Variants in GRIK4 observed in about 807,000 individuals in gnomAD.
GRIK4 encodes the protein glutamate ionotropic receptor kainate type subunit 4.
A neutral mutation model predicts 104.9 loss-of-function variants in GRIK4; 40 were observed. The ratio of observed to expected loss-of-function variants is 0.38; its 90% CI spans 0.30 to 0.50. The LOEUF (loss-of-function observed/expected upper bound fraction) is 0.50, where lower values mean the gene tolerates loss of function less well. Among genes scored for constraint, GRIK4 ranks in the 20% least tolerant of loss-of-function variants. The pLI is 0.93. For synonymous variants in GRIK4, 485 were observed against 524.9 expected (o/e 0.92, Z 1.04); for missense variants, 1,047 against 1,308.1 (o/e 0.80, Z 3.08).
chr11:120,778,658 A>G (rs1952088981), intron 3 of GRIK4, among the ~76,000 whole-genome samples: 1 of 152,220 alleles, frequency 6.6e-6, no homozygotes. Context: ...CCAGTTCTGG[A>G]TGCTGAGAAA....
intron 11 of GRIK4, among the ~76,000 whole-genome samples, chr11:120,884,617 C>G (rs1955066492): frequency 6.6e-6 from 1 of 152,084 alleles, no homozygotes; most frequent in Non-Finnish European, 1.5e-5. Flanking sequence ...GGCAGCCTCA[C>G]TGGTTCCACT....
At chr11:120,616,302 T>C (rs1949113275) in intron 1 of GRIK4, among the ~76,000 whole-genome samples, 1 of 152,086 alleles carries the variant, frequency 6.6e-6, no homozygotes. Flanking sequence ...CCACTCAGCT[T>C]GTGGGTCAAT....
At position 120,875,011 on chromosome 11, in the gene GRIK4, C is replaced by T; in HGVS notation, c.1060-128C>T. 4.5e-6 allele frequency: 3 copies of T among 662,984 alleles called. No individual in the cohort carries two copies. The East Asian group carries it at 8.0e-5, about 18-fold the overall frequency. 41.1% of individuals were successfully genotyped at this position (662,984 alleles called of 1,614,324 possible). A position where few individuals can be genotyped will look rare whatever the true frequency, so the allele number is the denominator to read the frequency against. On this transcript the variant is annotated intron_variant, in intron 10 of 20. Transcript: ENST00000527524. The stretch of plus-strand genomic sequence containing the variant: ...TCAAGATGCCTTGGCTGTGTGTGGG[C>T]AGGAGAAGGATCTTAACTGCTTTGC...
intron 3 of GRIK4, among the ~76,000 whole-genome samples, chr11:120,794,628 C>T (rs1449204328): frequency 6.6e-6 from 1 of 152,116 alleles, no homozygotes; most frequent in Non-Finnish European, 1.5e-5. Context: ...GTGCCATCCG[C>T]ACACCAAGGA....
At chr11:120,836,674 G>A (rs10892628) in intron 7 of GRIK4, 117 bp from the exon 8 acceptor site, 114,731 of 739,938 alleles carry the variant, frequency 0.16, 10,040 homozygotes, top group Middle Eastern at 0.24. Flanking sequence ...GTTCTGTTCT[G>A]CCTGGTGCCA....
At chr11:120,699,325 CTGG>C (rs1339579037) in intron 3 of GRIK4, among the ~76,000 whole-genome samples, 1 of 152,214 alleles carries the variant, frequency 6.6e-6, no homozygotes, top group Non-Finnish European at 1.5e-5. Flanking sequence ...GCATGGAGGG[CTGG>C]TGGTCACAGC....
chr11:120,808,605 T>C (rs1952764771), intron 4 of GRIK4, among the ~76,000 whole-genome samples: 1 of 152,208 alleles, frequency 6.6e-6, no homozygotes. Flanking sequence ...CTTTCTTCCT[T>C]GGCTCAAGAG....
intron 16 of GRIK4, among the ~76,000 whole-genome samples, chr11:120,957,625 G>GTGTGTGTGTGTGTA (rs375508071): frequency 0.048 from 6,917 of 144,410 alleles, 228 homozygotes; most frequent in Non-Finnish European, 0.065. Flanking sequence ...GTGTGTGTGT[G>GTGTGTGTGTGTGTA]TAGCCTAGAG....
At chr11:120,756,888 T>C (rs1235262414) in intron 3 of GRIK4, among the ~76,000 whole-genome samples, 1 of 152,220 alleles carries the variant, frequency 6.6e-6, no homozygotes, top group Non-Finnish European at 1.5e-5. Context: ...CACTGTGCTG[T>C]GCACCTGCAG....
At chr11:120,827,620 A>G (rs1043833849) in intron 6 of GRIK4, among the ~76,000 whole-genome samples, 1 of 152,236 alleles carries the variant, frequency 6.6e-6, no homozygotes, top group Non-Finnish European at 1.5e-5. Flanking sequence ...GAAAATGCCA[A>G]ACTGCCCTGA....
rs1200798876 is a variant in GRIK4, at chr11:120,987,379, A to C, written c.*1119A>C. ...CAAATGAGTGGCTGCCTATGAAGCC[A>C]GACCCCCAAGACTATCATGGATTGG... On this transcript the variant is annotated 3_prime_UTR_variant, in exon 21 of 21. Coordinates refer to ENST00000527524, the MANE Select transcript of GRIK4 (RefSeq NM_014619.5). 6.6e-6 allele frequency: 1 copy of C among 152,306 alleles called. No individual in the cohort carries two copies. The highest frequency in any genetic ancestry group is 1.9e-4 in the East Asian group (1 of 5,194). 9.4% of individuals were successfully genotyped at this position (152,306 alleles called of 1,614,324 possible).
intron 14 of GRIK4, among the ~76,000 whole-genome samples, chr11:120,943,152 C>G (rs10892650): frequency 1.0e-5 from 1 of 95,462 alleles, no homozygotes; most frequent in Non-Finnish European, 2.0e-5. Flanking sequence ...ACACACACAC[C>G]CCCCTGACTG....
intron 1 of GRIK4, among the ~76,000 whole-genome samples, chr11:120,526,238 G>C (rs1344824863): frequency 6.6e-6 from 1 of 152,104 alleles, no homozygotes; most frequent in East Asian, 1.9e-4. Flanking sequence ...GTCTCACTCT[G>C]TCGCCCAGGC....
At chr11:120,983,166 T>G (rs1944680621) in intron 20 of GRIK4, among the ~76,000 whole-genome samples, 1 of 152,232 alleles carries the variant, frequency 6.6e-6, no homozygotes, top group South Asian at 2.1e-4. Flanking sequence ...TTTCCTCAGC[T>G]GCTCCAGGAT....
At chr11:120,692,892 C>A (rs1322999336) in intron 3 of GRIK4, among the ~76,000 whole-genome samples, 1 of 149,970 alleles carries the variant, frequency 6.7e-6, no homozygotes, top group South Asian at 2.1e-4. Flanking sequence ...CCACCATGCC[C>A]AGCTAATTTT....
chr11:120,801,419 G>A (rs1289123926), intron 3 of GRIK4, among the ~76,000 whole-genome samples: 2 of 152,112 alleles, frequency 1.3e-5, no homozygotes, highest in Admixed American at 6.5e-5. Context: ...TAGAGACAGG[G>A]TTTCACCATA....
At chr11:120,971,279 G>C (rs1033625126) in intron 19 of GRIK4, among the ~76,000 whole-genome samples, 1 of 152,192 alleles carries the variant, frequency 6.6e-6, no homozygotes, top group Non-Finnish European at 1.5e-5. Context: ...CTCAAGGACA[G>C]GGACTGTGTC....
intron 8 of GRIK4, among the ~76,000 whole-genome samples, chr11:120,860,553 G>A (rs541108027): frequency 6.6e-6 from 1 of 152,294 alleles, no homozygotes; most frequent in South Asian, 2.1e-4. Flanking sequence ...TAAAGTAGCA[G>A]TCCCTCACCC....
At chr11:120,710,755 T>G (rs974367563) in intron 3 of GRIK4, among the ~76,000 whole-genome samples, 1 of 152,244 alleles carries the variant, frequency 6.6e-6, no homozygotes, top group African/African-American at 2.4e-5. Flanking sequence ...CTGAGCTGCT[T>G]TGCTACCTCA....
Sources: gnomAD v4.1 joint callset for allele counts (sites outside exome capture counted in the v4.1 genomes callset) on GRCh38, gnomAD v4.1.1 for gene constraint, MANE v1.5 for transcripts, NCBI Gene and HGNC (gene_info 2026-07-23, HGNC 2026-07-21) for gene names.